The following SETD1A variants were observed in gnomAD, a reference collection of about 807,000 sequenced individuals.
SETD1A encodes the protein histone-lysine N-methyltransferase SETD1A.
In SETD1A, 29 loss-of-function variants were observed where a neutral mutation model predicts 149.9. The ratio of observed to expected loss-of-function variants is 0.19; its 90% CI spans 0.14 to 0.26. The LOEUF is 0.26. SETD1A is among the 10% of genes least tolerant of loss of function. SETD1A has a pLI of 1.00. For missense variants in SETD1A, 2,109 were observed against 2,353.1 expected, an observed-to-expected ratio of 0.90 and a Z score of 2.15; for synonymous variants, 1,141 against 968.5, an observed-to-expected ratio of 1.18 and a Z score of -3.31.
At chr16:30,958,679 G>C in intron 1 of SETD1A, 38 bp from the exon 2 acceptor site, 2 of 1,588,904 alleles carry the variant, frequency 1.3e-6, no homozygotes, top group Admixed American at 1.7e-5. Flanking sequence ...CAGGCCCCAA[G>C]TCCTGATCCT....
Position 30,966,946 on chromosome 16 carries a change from G to A in SETD1A, c.2568G>A (p.Lys856=), listed in dbSNP as rs1234412560. ...KEEDKEKTKL[K]EPGLLSLVDW... ...AGGATAAAGAGAAGACGAAGCTGAA[G>A]GAGCCTGGCCTGCTGTCCCTCGTGG... The change falls in exon 9 of 19, where the codon AAG becomes AAA. Residue 856 remains lysine (K), a synonymous_variant. Coordinates refer to ENST00000262519, the MANE Select transcript of SETD1A (RefSeq NM_014712.3). The A allele has an allele frequency of 1.3e-6, 2 of 1,581,476 alleles. No homozygotes were observed. Among genetic ancestry groups the A allele is most frequent in the Non-Finnish European group, 1.7e-6 (2 of 1,164,090 alleles).
At chr16:30,975,629 C>T (rs2056276161) in intron 13 of SETD1A, among the ~76,000 whole-genome samples, 1 of 151,942 alleles carries the variant, frequency 6.6e-6, no homozygotes, top group Non-Finnish European at 1.5e-5. Flanking sequence ...CAGGGTCTCA[C>T]CATGTTGCCC....
rs749179384 is a variant in SETD1A at position 30,969,642 on chromosome 16, G to A, written c.2969G>A (p.Arg990Gln). The A allele has an allele frequency of 2.5e-6, 4 of 1,614,102 alleles. No homozygotes were observed. The highest frequency in any genetic ancestry group is 1.3e-5 in the African/African-American group (1 of 74,946). The change falls in exon 12 of 19, where the codon CGA (arginine) becomes CAA (glutamine). Residue 990 changes from arginine to glutamine, a missense_variant. By Grantham distance (43) the Arg-to-Gln change is conservative (BLOSUM62 1). This residue lies in a region of SETD1A where 832 missense variants were observed against 815.6 expected (regional missense o/e 1.02). Transcript: ENST00000262519. ...DDEEDEEDEDREEAVDTTKKE... is the reference protein window; with the variant it reads ...DDEEDEEDEDQEEAVDTTKKE... ...GAGGAAGATGAGGAAGATGAAGATCGAGAGGAAGCTGTGGATACCACAAAG... is the reference window on the plus strand; with the variant it reads ...GAGGAAGATGAGGAAGATGAAGATCAAGAGGAAGCTGTGGATACCACAAAG...
Position 30,965,919 on chromosome 16 carries a change from T to C in SETD1A, c.2038T>C (p.Phe680Leu). The C allele has an allele frequency of 6.2e-7, 1 of 1,612,382 alleles. No individual in the cohort carries two copies. The highest frequency in any genetic ancestry group is 2.2e-5 in the East Asian group (1 of 44,812). ...TCAGTGGGGAGGGATGCCCATGTCC[T>C]TCCAGATGCAGACCCAGATGTTAAC... The part of the protein sequence containing the change: ...GAQWGGMPMS[F>L]QMQTQMLTRL... The change falls in exon 8 of 19, where the codon TTC becomes CTC. Residue 680 changes from phenylalanine (F) to leucine (L), a missense_variant. This residue lies in a region of SETD1A where 431 missense variants were observed against 388.6 expected (regional missense o/e 1.11). Transcript: ENST00000262519.
chr16:30,975,989 G>A (rs1469724637), intron 13 of SETD1A, among the ~76,000 whole-genome samples: 3 of 152,138 alleles, frequency 2.0e-5, no homozygotes, highest in African/African-American at 7.2e-5. Context: ...TTCCAGATCT[G>A]ATGCAGTTAT....
At chr16:30,960,262 C>CACTG (rs1186820626) in intron 3 of SETD1A, among the ~76,000 whole-genome samples, 2 of 152,178 alleles carry the variant, frequency 1.3e-5, no homozygotes, top group Non-Finnish European at 2.9e-5. Context: ...TGTTTTGGGA[C>CACTG]ACTGACATGT....
rs201391072 is a variant in SETD1A at position 30,965,042 on chromosome 16, C to G, written c.1300C>G (p.Pro434Ala). 124 of 1,612,294 alleles carry G rather than the reference C, an allele frequency of 7.7e-5. No individual in the cohort carries two copies. The African/African-American group carries it at 1.5e-3, about 20-fold the overall frequency. The change falls in exon 7 of 19, where the codon CCC becomes GCC. Residue 434 changes from proline (P) to alanine (A), a missense_variant. By Grantham distance (27) the Pro-to-Ala change is conservative (BLOSUM62 -1). Coordinates refer to ENST00000262519, the MANE Select transcript of SETD1A (RefSeq NM_014712.3). ...CCGGCCTCCTGCCTCAGAGGCTCCA[C>G]CCCCGGAGCCTCCAGAACCTGGTGG... ...DYRPPASEAPPPEPPEPGGGG... is the reference protein window; with the variant it reads ...DYRPPASEAPAPEPPEPGGGG...
At position 30,980,678 on chromosome 16, in the gene SETD1A, G is replaced by T. The variant is rs372068363; in HGVS notation, c.4581+21G>T. ...CTCAGGTGGGCCTAACCCCGCCGCC[G>T]CGTCCTCCTGCCACTCACTTCCCTG... On this transcript the variant is annotated intron_variant, in intron 15 of 18. Coordinates refer to ENST00000262519, the MANE Select transcript of SETD1A (RefSeq NM_014712.3). The surrounding 1 kb of genome is among the most constrained non-coding windows in gnomAD (Gnocchi z 7.7). The T allele has an allele frequency of 1.2e-6, 2 of 1,609,668 alleles. No individual in the cohort carries two copies. Among genetic ancestry groups the T allele is most frequent in the Admixed American group, 3.3e-5 (2 of 59,890 alleles).
Position 30,971,667 on chromosome 16 carries a change from C to G in SETD1A, c.3306C>G (p.Gly1102=), listed in dbSNP as rs1315294301. ...TGCCAGTGCCGGAAAGGGTTGCAGG[C>G]TCCCCAGTCACACCCCTGCCCGAAC... ...VEVPVPERVA[G]SPVTPLPEQE... is the part of the protein sequence containing the mutation. The change falls in exon 13 of 19, where the codon GGC becomes GGG. Residue 1102 remains glycine, a synonymous_variant. Coordinates refer to ENST00000262519, the MANE Select transcript of SETD1A (RefSeq NM_014712.3). 1 of 1,605,792 alleles carries G rather than the reference C, an allele frequency of 6.2e-7. No homozygotes were observed. Among genetic ancestry groups the G allele is most frequent in the South Asian group, 1.1e-5 (1 of 90,554 alleles).
At chr16:30,959,230 G>A in intron 3 of SETD1A, 44 bp downstream of exon 3, 1 of 1,252,094 alleles carries the variant, frequency 8.0e-7, no homozygotes, top group African/African-American at 1.5e-5. Context: ...CTAAGAGGGT[G>A]TGGAGGATGC....
intron 11 of SETD1A, 39 bp from the exon 12 acceptor site, chr16:30,969,563 T>G: frequency 6.2e-7 from 1 of 1,605,034 alleles, no homozygotes; most frequent in Non-Finnish European, 8.5e-7. Flanking sequence ...GGACCAGTTG[T>G]CCCCTTCCTG....
In SETD1A at chr16:30,969,320, A is replaced by G. The variant is rs778585884; in HGVS notation, c.2786A>G (p.Lys929Arg). 5 of 1,614,006 alleles carry G rather than the reference A, an allele frequency of 3.1e-6. No homozygotes were observed. The Admixed American group carries it at 6.7e-5, about 22-fold the overall frequency. Residue 929 changes from lysine (K) to arginine (R), a missense_variant, in exon 11 of 19, where the codon AAG becomes AGG. Physicochemically the swap from Lys to Arg is conservative, Grantham distance 26 (BLOSUM62 2). Transcript: ENST00000262519. ...GCTGGCCTAGACCCTGAACAAGAGA[A>G]GGAGGCTGGAGAGCCAGGACGTCCG... ...EEDEDDPEQE[K>R]EAGEPGRPGT...
At position 30,958,717 on chromosome 16, in the gene SETD1A, T is replaced by C. The variant is rs1005762240; in HGVS notation, c.-15T>C. 13 of 1,613,500 alleles carry C rather than the reference T, an allele frequency of 8.1e-6. No individual in the cohort carries two copies. The African/African-American group carries it at 1.5e-4, about 18-fold the overall frequency. On this transcript the variant is annotated splice_region_variant and 5_prime_UTR_variant, in exon 2 of 19. Transcript: ENST00000262519. ...TTGCGTGTCCCTCTTCCCCTAACAGTGTAAATGAGCAAAGATGGATCAGGA... is the reference window on the plus strand; with the variant it reads ...TTGCGTGTCCCTCTTCCCCTAACAGCGTAAATGAGCAAAGATGGATCAGGA...
In SETD1A at chr16:30,981,198, G is replaced by T. The variant is rs894738314; in HGVS notation, c.4812+18G>T. The T allele has an allele frequency of 1.2e-6, 2 of 1,613,358 alleles. No homozygotes were observed. Among genetic ancestry groups the T allele is most frequent in the Non-Finnish European group, 1.7e-6 (2 of 1,179,520 alleles). On this transcript the variant is annotated intron_variant, in intron 17 of 18. Transcript: ENST00000262519. ...TCCGTCAGGTGAGGCTGCACTCCCA[G>T]CCCCGCCCCGGCTTCTGATGCAACA...
chr16:30,962,677 T>C (rs2056070836), intron 4 of SETD1A, among the ~76,000 whole-genome samples: 1 of 152,252 alleles, frequency 6.6e-6, no homozygotes, highest in Non-Finnish European at 1.5e-5. Flanking sequence ...GGGCATGCGG[T>C]GGCTCACGCC....
chr16:30,966,085 A>C lies in SETD1A; in HGVS notation c.2204A>C (p.Gln735Pro), dbSNP rs2056141037. The change falls in exon 8 of 19, where the codon CAG (glutamine) becomes CCG (proline). Residue 735 changes from glutamine to proline, a missense_variant. By Grantham distance (76) the Gln-to-Pro change is moderately conservative (BLOSUM62 -1). Coordinates refer to ENST00000262519, the MANE Select transcript of SETD1A (RefSeq NM_014712.3). ...AYGLPYALYAQGQEGRGAYSR... is the reference protein window; with the variant it reads ...AYGLPYALYAPGQEGRGAYSR... ...GGCTTGCCGTATGCTCTATATGCAC[A>C]GGGGCAGGAGGGCAGAGGGGCATAC... is the stretch of plus-strand genomic sequence containing the variant. 1 of 1,589,814 alleles carries C rather than the reference A, an allele frequency of 6.3e-7. No homozygotes were observed. Among genetic ancestry groups the C allele is most frequent in the Non-Finnish European group, 8.6e-7 (1 of 1,166,600 alleles).
In SETD1A at chr16:30,979,565, C is replaced by T. The variant is rs780029196; in HGVS notation, c.3779C>T (p.Ala1260Val). Residue 1260 changes from alanine to valine, a missense_variant, in exon 14 of 19, where the codon GCC (alanine) becomes GTC (valine). Transcript: ENST00000262519. ...EVDLAVLADL[A>V]LTPARRGLPA... ...GACCTGGCGGTCCTGGCCGACCTGG[C>T]CCTGACCCCTGCCCGGCGCGGGCTG... is the stretch of plus-strand genomic sequence containing the variant. 6.2e-7 allele frequency: 1 copy of T among 1,609,888 alleles called. No individual in the cohort carries two copies. Among genetic ancestry groups the T allele is most frequent in the Non-Finnish European group, 8.5e-7 (1 of 1,179,348 alleles).
rs773976406 is a variant in SETD1A at position 30,983,646 on chromosome 16, C to G, written c.4824C>G (p.Asp1608Glu). The G allele has an allele frequency of 6.2e-7, 1 of 1,612,950 alleles. No individual in the cohort carries two copies. Among genetic ancestry groups the G allele is most frequent in the Non-Finnish European group, 8.5e-7 (1 of 1,179,780 alleles). Residue 1608 changes from aspartate (D) to glutamate (E), a missense_variant, in exon 18 of 19, where the codon GAC becomes GAG. Asp to Glu is a conservative substitution (Grantham distance 45). This residue lies in a region of SETD1A where 254 missense variants were observed against 409.3 expected (regional missense o/e 0.62). Transcript: ENST00000262519. The surrounding 1 kb of genome is among the most constrained non-coding windows in gnomAD (Gnocchi z 6.8). ...VGQNIRQMVA[D>E]MREKRYVQEG... ...TCTCACCCTGGCAGATGGTGGCCGA[C>G]ATGCGGGAGAAGCGCTACGTGCAGG...
At position 30,966,039 on chromosome 16, in the gene SETD1A, C is replaced by T. The variant is rs774756687; in HGVS notation, c.2158C>T (p.Pro720Ser). 6.4e-6 allele frequency: 10 copies of T among 1,567,028 alleles called. No individual in the cohort carries two copies. In the Admixed American group the frequency reaches 1.5e-4, roughly 23 times the overall value. The change falls in exon 8 of 19, where the codon CCC becomes TCC. Residue 720 changes from proline (P) to serine (S), a missense_variant. Coordinates refer to ENST00000262519, the MANE Select transcript of SETD1A (RefSeq NM_014712.3). Reference sequence around the variant, plus strand: ...TGGGGAGGCCTTCCTCCCGTTTCCACCCCCGCAGGAGGCAGCCTACGGCTT... The same window carrying T: ...TGGGGAGGCCTTCCTCCCGTTTCCATCCCCGCAGGAGGCAGCCTACGGCTT... ...AFGEAFLPFP[P>S]PQEAAYGLPY...
Sources: gnomAD v4.1 joint callset for allele counts (sites outside exome capture counted in the v4.1 genomes callset) on GRCh38, gnomAD v4.1.1 for gene constraint, gnomAD v4.1.1 regional missense constraint, Gnocchi (gnomAD v3.1) non-coding constraint, MANE v1.5 for transcripts, NCBI Gene and HGNC (gene_info 2026-07-23, HGNC 2026-07-21) for gene names.